Variants in IL1RL2 observed in about 807,000 individuals in gnomAD.
IL1RL2 encodes interleukin 1 receptor like 2, also known as interleukin-1 receptor-like 2.
In IL1RL2, 68 loss-of-function variants were observed where a neutral mutation model predicts 66.8. That is an observed-to-expected ratio of 1.02 (90% CI 0.84 to 1.25). The LOEUF (loss-of-function observed/expected upper bound fraction) is 1.25, where lower values mean the gene tolerates loss of function less well. Ranked by LOEUF, IL1RL2 falls within the 50% of genes most tolerant of loss-of-function variation. The pLI, the probability that IL1RL2 is intolerant of heterozygous loss-of-function variation, is 0.00. For missense variants in IL1RL2, 729 were observed against 709.3 expected (o/e 1.03, Z -0.32); for synonymous variants, 305 against 264.6 (o/e 1.15, Z -1.48).
intron 5 of IL1RL2, among the ~76,000 whole-genome samples, chr2:102,203,481 A>G (rs1488240353): frequency 6.6e-6 from 1 of 151,804 alleles, no homozygotes; most frequent in African/African-American, 2.4e-5. Flanking sequence ...TTCTTCTTTA[A>G]ATGTTTGTTA....
At chr2:102,233,181 G>A in intron 10 of IL1RL2, 57 bp downstream of exon 10, 2 of 1,516,398 alleles carry the variant, frequency 1.3e-6, no homozygotes. Context: ...CGACCCCTCT[G>A]TTCCTCCACT....
intron 7 of IL1RL2, 134 bp from the exon 8 acceptor site, chr2:102,219,747 A>T (rs1689933680): frequency 1.2e-6 from 1 of 800,358 alleles, no homozygotes; most frequent in African/African-American, 1.7e-5. Flanking sequence ...TGGGCCAGTC[A>T]GCAAAGTATT....
At chr2:102,229,907 G>C (rs1002954173) in intron 9 of IL1RL2, among the ~76,000 whole-genome samples, 2 of 152,182 alleles carry the variant, frequency 1.3e-5, no homozygotes, top group Non-Finnish European at 2.9e-5. Context: ...TAGAAACAGG[G>C]AACAGGGAAC....
At chr2:102,191,083 A>T (rs555729232) in intron 3 of IL1RL2, among the ~76,000 whole-genome samples, 51 of 152,270 alleles carry the variant, frequency 3.3e-4, no homozygotes, top group African/African-American at 1.2e-3. Context: ...TTTTACATTT[A>T]TCTTATAATT....
At chr2:102,230,594 G>T (rs1691035996) in intron 9 of IL1RL2, among the ~76,000 whole-genome samples, 1 of 152,222 alleles carries the variant, frequency 6.6e-6, no homozygotes, top group Admixed American at 6.5e-5. Flanking sequence ...GCCCGGTCCT[G>T]CTCCAGTGGC....
In IL1RL2 at chr2:102,234,962, GA is replaced by G. The variant is rs1559566016; in HGVS notation, c.1365del (p.Glu455AspfsTer8). The G allele has an allele frequency of 6.2e-7, 1 of 1,614,168 alleles. No homozygotes were observed. The highest frequency in any genetic ancestry group is 1.7e-5 in the Admixed American group (1 of 60,024). On this transcript the variant is annotated frameshift_variant, in exon 11 of 12. Coordinates refer to ENST00000264257, the MANE Select transcript of IL1RL2 (RefSeq NM_003854.4). LOFTEE classifies it high-confidence loss of function. Reference protein sequence around the residue: ...CRRLIVIVVPESLGFGLLKNL... With the variant: ...CRRLIVIVVPXSLGFGLLKNL... The stretch of plus-strand genomic sequence containing the variant: ...GAGGCTGATTGTCATTGTGGTCCCC[GA>G]ATCGCTGGGCTTTGGCCTGTTGAAG...
At position 102,209,339 on chromosome 2, in the gene IL1RL2, A is replaced by G. The variant is rs528924899; in HGVS notation, c.650-2761A>G. 3.9e-5 allele frequency among the ~76,000 whole-genome samples: 6 copies of G among 152,312 alleles called. No individual in the cohort carries two copies. The South Asian group carries it at 1.2e-3, about 32-fold the overall frequency. ...CCACAGACAGTGTTTGCGGAGCAGG[A>G]AAAGAATAAGAAGGGTCCGTGGGTG... is the stretch of plus-strand genomic sequence containing the variant. On this transcript the variant is annotated intron_variant, in intron 5 of 11. Transcript: ENST00000264257.
chr2:102,222,811 C>A (rs1014576284), intron 8 of IL1RL2, among the ~76,000 whole-genome samples: 2 of 152,194 alleles, frequency 1.3e-5, no homozygotes, highest in African/African-American at 4.8e-5. Flanking sequence ...TCAGGGTCCA[C>A]CCCAGAGAAA....
At chr2:102,187,440 GA>G in intron 1 of IL1RL2, 1 of 1,042,310 alleles carries the variant, frequency 9.6e-7, no homozygotes, top group South Asian at 2.1e-5. Flanking sequence ...GCGCGCAGGG[GA>G]GGCTCCGTGC....
At chr2:102,187,758 TG>T in intron 1 of IL1RL2, 97 bp from the exon 2 acceptor site, 4 of 1,020,798 alleles carry the variant, frequency 3.9e-6, no homozygotes, top group Non-Finnish European at 6.2e-6. Context: ...GTCAGCGGCC[TG>T]GGCGGTTGTC....
In IL1RL2 at chr2:102,187,098, G is replaced by C. The variant is rs1200913757; in HGVS notation, c.-13+12G>C. On this transcript the variant is annotated intron_variant, in intron 1 of 11. Transcript: ENST00000264257. ...AATCCTGCAGGCAGGTAGACACCGG[G>C]CCGGGAGTCTGGCTGAGCCAGGCAT... 3 of 1,289,812 alleles carry C rather than the reference G, an allele frequency of 2.3e-6. No homozygotes were observed. The highest frequency in any genetic ancestry group is 2.0e-6 in the Non-Finnish European group (2 of 988,806). The allele number at this position is 1,289,812 out of a possible 1,614,324, so 79.9% of individuals were successfully genotyped here.
At chr2:102,227,161 T>A (rs1690694168) in intron 9 of IL1RL2, among the ~76,000 whole-genome samples, 1 of 152,158 alleles carries the variant, frequency 6.6e-6, no homozygotes, top group Non-Finnish European at 1.5e-5. Context: ...TGCTCTAAAG[T>A]CCCCTAATTA....
At chr2:102,227,414 T>C (rs554537489) in intron 9 of IL1RL2, among the ~76,000 whole-genome samples, 13 of 152,342 alleles carry the variant, frequency 8.5e-5, no homozygotes, top group African/African-American at 2.9e-4. Flanking sequence ...CTAACTTGGA[T>C]TTTTTCCAAA....
intron 4 of IL1RL2, among the ~76,000 whole-genome samples, chr2:102,197,102 TCTAA>T (rs1303699926): frequency 2.0e-5 from 3 of 152,180 alleles, no homozygotes; most frequent in Non-Finnish European, 2.9e-5. Context: ...CCCTAATTTT[TCTAA>T]TTGTAAGGAG....
At position 102,233,198 on chromosome 2, in the gene IL1RL2, A is replaced by G. The variant is rs544935422; in HGVS notation, c.1297+74A>G. 7.1e-6 allele frequency: 10 copies of G among 1,412,744 alleles called. No individual in the cohort carries two copies. In the African/African-American group the frequency reaches 1.0e-4, roughly 14 times the overall value. 87.5% of individuals were successfully genotyped at this position (1,412,744 alleles called of 1,614,324 possible). A position where few individuals can be genotyped will look rare whatever the true frequency, so the allele number is the denominator to read the frequency against. ...ACCCCTCTGTTCCTCCACTTTACTA[A>G]TGGCGGTGACTCTGCCTGCCTTCCC... On this transcript the variant is annotated intron_variant, in intron 10 of 11. Coordinates refer to ENST00000264257, the MANE Select transcript of IL1RL2 (RefSeq NM_003854.4).
chr2:102,210,903 G>T (rs925574417), intron 5 of IL1RL2, among the ~76,000 whole-genome samples: 1 of 152,142 alleles, frequency 6.6e-6, no homozygotes, highest in East Asian at 1.9e-4. Context: ...TGAAGTAGTG[G>T]GTGTGAATGA....
downstream of IL1RL2, among the ~76,000 whole-genome samples, chr2:102,242,561 C>G (rs1270203452): frequency 6.6e-6 from 1 of 152,128 alleles, no homozygotes; most frequent in Admixed American, 6.5e-5. Context: ...GATGGTTCAG[C>G]TCAAGCAGTG....
intron 5 of IL1RL2, 96 bp downstream of exon 5, chr2:102,201,811 T>A: frequency 8.2e-7 from 1 of 1,212,146 alleles, no homozygotes; most frequent in Non-Finnish European, 1.2e-6. Context: ...CAGGAGTGAT[T>A]CTAGGTCTTG....
Position 102,187,877 on chromosome 2 carries a change from T to C in IL1RL2, c.10T>C (p.Leu4=). 6.2e-7 allele frequency: 1 copy of C among 1,611,118 alleles called. No homozygotes were observed. Among genetic ancestry groups the C allele is most frequent in the Non-Finnish European group, 8.5e-7 (1 of 1,178,106 alleles). The change falls in exon 2 of 12, where the codon TTG becomes CTG. Residue 4 remains leucine (L), a synonymous_variant. Transcript: ENST00000264257. MWS[L]LLCGLSIALP... is the part of the protein sequence containing the mutation. ...GCAGCCCGGTTTGGGGATGTGGTCC[T>C]TGCTGCTCTGCGGGTTGTCCATCGC...
Sources: gnomAD v4.1 joint callset for allele counts (sites outside exome capture counted in the v4.1 genomes callset) on GRCh38, gnomAD v4.1.1 for gene constraint, MANE v1.5 for transcripts, NCBI Gene and HGNC (gene_info 2026-07-23, HGNC 2026-07-21) for gene names.